The following MARCHF8 variants were observed in gnomAD, a reference collection of about 807,000 sequenced individuals.
MARCHF8 encodes the protein membrane associated ring-CH-type finger 8, also known as E3 ubiquitin-protein ligase MARCHF8.
In MARCHF8, 40 loss-of-function variants were observed where a neutral mutation model predicts 51.6. The ratio of observed to expected loss-of-function variants is 0.77; its 90% CI spans 0.60 to 1.01. MARCHF8 has a LOEUF of 1.01. MARCHF8 is among the 50% of genes least tolerant of loss of function. The pLI is 0.00. For missense variants in MARCHF8, 685 were observed against 708.6 expected (o/e 0.97, Z 0.38); for synonymous variants, 263 against 280.3 (o/e 0.94, Z 0.62).
intron 1 of MARCHF8, among the ~76,000 whole-genome samples, chr10:45,552,002 T>A (rs1354099748): frequency 6.6e-6 from 1 of 152,140 alleles, no homozygotes; most frequent in Non-Finnish European, 1.5e-5. Flanking sequence ...GTGTTGCATA[T>A]TTTTTGGCAA....
At position 45,458,206 on chromosome 10, in the gene MARCHF8, T is replaced by C; in HGVS notation, c.*33A>G. The C allele has an allele frequency of 6.3e-7, 1 of 1,578,396 alleles. No individual in the cohort carries two copies. The highest frequency in any genetic ancestry group is 1.4e-5 in the African/African-American group (1 of 73,848). On this transcript the variant is annotated 3_prime_UTR_variant, in exon 8 of 8. Coordinates refer to ENST00000453424, the MANE Select transcript of MARCHF8 (RefSeq NM_001282866.2). ...GTAAACAATTTCCTTCAGCTCTTCA[T>C]GGATGTCCAGGAAAATGACAACCCG...
At chr10:45,525,557 T>C (rs1364736126) in intron 2 of MARCHF8, among the ~76,000 whole-genome samples, 1 of 152,050 alleles carries the variant, frequency 6.6e-6, no homozygotes, top group African/African-American at 2.4e-5. Flanking sequence ...GGAGCACAAC[T>C]CCCCATTCTT....
chr10:45,592,600 A>T (rs1002069101), intron 1 of MARCHF8, among the ~76,000 whole-genome samples: 2 of 152,226 alleles, frequency 1.3e-5, no homozygotes, highest in Non-Finnish European at 2.9e-5. Flanking sequence ...ACATTATGTG[A>T]TTATAGCAGA....
intron 1 of MARCHF8, among the ~76,000 whole-genome samples, chr10:45,592,081 T>C (rs1331453788): frequency 6.6e-6 from 1 of 152,220 alleles, no homozygotes; most frequent in Non-Finnish European, 1.5e-5. Flanking sequence ...AGTCACATCA[T>C]CAACCTGGCT....
chr10:45,510,500 T>G (rs1589135819), intron 2 of MARCHF8, among the ~76,000 whole-genome samples: 2 of 152,160 alleles, frequency 1.3e-5, no homozygotes, highest in East Asian at 3.8e-4. Context: ...TCACTAAAAT[T>G]TTAACTCAGG....
Position 45,463,869 on chromosome 10 carries a change from A to G in MARCHF8, c.370T>C (p.Leu124=), listed in dbSNP as rs1274320705. 1 of 1,538,494 alleles carries G rather than the reference A, an allele frequency of 6.5e-7. No homozygotes were observed. Among genetic ancestry groups the G allele is most frequent in the Non-Finnish European group, 8.7e-7 (1 of 1,146,964 alleles). ...AAGGAATTTCTCTTTGACGCCTGTA[A>G]TGTGTCCTTACAGATAACTGTCACA... ...LTVTVICKDT[L]QASKRNSFGS... Residue 124 remains leucine, a synonymous_variant, in exon 5 of 8, where the codon TTA becomes CTA. Transcript: ENST00000453424.
chr10:45,461,439 C>T, intron 5 of MARCHF8, 28 bp from the exon 6 acceptor site: 2 of 1,502,570 alleles, frequency 1.3e-6, no homozygotes, highest in Non-Finnish European at 8.9e-7. Flanking sequence ...CCTGTCATTC[C>T]AAGGACAGTC....
At chr10:45,459,042 T>C (rs1842700628) in intron 7 of MARCHF8, 78 bp downstream of exon 7, 5 of 1,572,844 alleles carry the variant, frequency 3.2e-6, no homozygotes, top group Admixed American at 2.0e-5. Context: ...TTTGGCTAAC[T>C]GGAAAATCCT....
intron 2 of MARCHF8, among the ~76,000 whole-genome samples, chr10:45,511,880 C>G (rs1328000049): frequency 6.9e-6 from 1 of 145,662 alleles, no homozygotes; most frequent in Non-Finnish European, 1.5e-5. Context: ...TCGTCTGGGA[C>G]GTGAGGAGCC....
intron 2 of MARCHF8, among the ~76,000 whole-genome samples, chr10:45,501,987 T>C (rs1177738114): frequency 6.6e-6 from 1 of 152,028 alleles, no homozygotes; most frequent in Non-Finnish European, 1.5e-5. Context: ...AATAATGACA[T>C]CACCAAATGT....
chr10:45,565,185 C>T (rs1357213576), intron 1 of MARCHF8, among the ~76,000 whole-genome samples: 3 of 152,030 alleles, frequency 2.0e-5, no homozygotes, highest in Non-Finnish European at 2.9e-5. Flanking sequence ...AATCCCAGCA[C>T]TTTAGGAGGC....
At chr10:45,544,531 C>T (rs976093932) in intron 1 of MARCHF8, among the ~76,000 whole-genome samples, 2 of 152,114 alleles carry the variant, frequency 1.3e-5, no homozygotes, top group Non-Finnish European at 2.9e-5. Flanking sequence ...AAATTCTATT[C>T]AGCAATTAAA....
At chr10:45,511,731 G>A (rs537634193) in intron 2 of MARCHF8, among the ~76,000 whole-genome samples, 35 of 152,320 alleles carry the variant, frequency 2.3e-4, no homozygotes, top group African/African-American at 8.2e-4. Flanking sequence ...CCAGGCTGGA[G>A]TGCAGTGGCG....
At chr10:45,468,977 C>T (rs1259713586) in intron 3 of MARCHF8, among the ~76,000 whole-genome samples, 1 of 152,094 alleles carries the variant, frequency 6.6e-6, no homozygotes, top group Non-Finnish European at 1.5e-5. Context: ...AATTCATCCT[C>T]ACACACCTGC....
intron 3 of MARCHF8, among the ~76,000 whole-genome samples, chr10:45,470,071 G>A (rs1044371569): frequency 2.0e-5 from 3 of 152,138 alleles, no homozygotes; most frequent in African/African-American, 7.2e-5. Context: ...CAGATCTCTA[G>A]AAAGAAGGTT....
chr10:45,572,647 T>C (rs71496619), intron 1 of MARCHF8, among the ~76,000 whole-genome samples: 9,354 of 152,160 alleles, frequency 0.061, 321 homozygotes, highest in Non-Finnish European at 0.066. Context: ...CCCTAGTCTC[T>C]GTTCCCCAAT....
intron 1 of MARCHF8, among the ~76,000 whole-genome samples, chr10:45,581,018 G>A (rs1226937601): frequency 6.6e-6 from 1 of 152,078 alleles, no homozygotes; most frequent in Non-Finnish European, 1.5e-5. Context: ...GTAAGAGGAG[G>A]CTGTGAGCAA....
chr10:45,458,743 C>G (rs2132904185), intron 7 of MARCHF8, among the ~76,000 whole-genome samples, 200 bp from the exon 8 acceptor site: 1 of 152,310 alleles, frequency 6.6e-6, no homozygotes, highest in South Asian at 2.1e-4. Context: ...CCTTGAACTC[C>G]TGAGCCTCAG....
At chr10:45,524,687 A>G (rs1018770905) in intron 2 of MARCHF8, among the ~76,000 whole-genome samples, 1 of 152,260 alleles carries the variant, frequency 6.6e-6, no homozygotes, top group African/African-American at 2.4e-5. Context: ...ATACGTGATT[A>G]TAAGGGATTT....
Sources: gnomAD v4.1 joint callset for allele counts (sites outside exome capture counted in the v4.1 genomes callset) on GRCh38, gnomAD v4.1.1 for gene constraint, MANE v1.5 for transcripts, NCBI Gene and HGNC (gene_info 2026-07-23, HGNC 2026-07-21) for gene names.